Variants in CACNA1C observed in about 807,000 individuals in gnomAD.
CACNA1C encodes calcium voltage-gated channel subunit alpha1 C.
CACNA1C carries 30 observed loss-of-function variants against 229.0 expected under a neutral mutation model. That is an observed-to-expected ratio of 0.13 (90% CI 0.10 to 0.18). The LOEUF (loss-of-function observed/expected upper bound fraction) is 0.18, where lower values mean the gene tolerates loss of function less well. CACNA1C is among the 10% of genes least tolerant of loss of function. The pLI is 1.00. For missense variants in CACNA1C, 1,658 were observed against 2,845.0 expected (o/e 0.58, Z 9.49); for synonymous variants, 1,114 against 1,132.5 (o/e 0.98, Z 0.33).
chr12:2,128,691 G>A (rs2091161981), intron 3 of CACNA1C, among the ~76,000 whole-genome samples: 2 of 152,162 alleles, frequency 1.3e-5, no homozygotes, highest in Non-Finnish European at 2.9e-5. Context: ...GATTACAGGC[G>A]TGAGCCACTG....
chr12:1,989,464 C>G (rs1397845363), intron 1 of CACNA1C, among the ~76,000 whole-genome samples: 1 of 152,250 alleles, frequency 6.6e-6, no homozygotes, highest in Non-Finnish European at 1.5e-5. Context: ...CCTATAATCC[C>G]AGCCCTTTGG....
intron 13 of CACNA1C, among the ~76,000 whole-genome samples, chr12:2,578,014 G>A (rs559285584): frequency 5.9e-5 from 9 of 151,312 alleles, no homozygotes; most frequent in African/African-American, 1.5e-4. Context: ...GACTACAGGC[G>A]CCCGCTACCA....
At chr12:2,003,896 G>C (rs1367420349) in intron 1 of CACNA1C, among the ~76,000 whole-genome samples, 1 of 152,012 alleles carries the variant, frequency 6.6e-6, no homozygotes, top group Non-Finnish European at 1.5e-5. Context: ...TTCGTCTGCT[G>C]TCCCTGCCTC....
intron 13 of CACNA1C, among the ~76,000 whole-genome samples, chr12:2,580,486 G>T (rs560967126): frequency 6.6e-6 from 1 of 152,314 alleles, no homozygotes; most frequent in South Asian, 2.1e-4. Context: ...TGACCTAGGA[G>T]GCAGGTGGGC....
At chr12:2,153,845 T>C (rs1345042039) in intron 3 of CACNA1C, among the ~76,000 whole-genome samples, 1 of 152,222 alleles carries the variant, frequency 6.6e-6, no homozygotes, top group Non-Finnish European at 1.5e-5. Context: ...AATTGGAAGG[T>C]ACTTGGCAAA....
chr12:2,577,993 C>T (rs932682155), intron 13 of CACNA1C, among the ~76,000 whole-genome samples: 23 of 151,376 alleles, frequency 1.5e-4, no homozygotes, highest in South Asian at 2.1e-4. Flanking sequence ...CTCAGCCTCC[C>T]GAGTAGCTGG....
In CACNA1C at chr12:2,608,761, G is replaced by T. The variant is rs1390219543; in HGVS notation, c.3558+49G>T. The T allele has an allele frequency of 6.3e-7, 1 of 1,584,692 alleles. No individual in the cohort carries two copies. Among genetic ancestry groups the T allele is most frequent in the Non-Finnish European group, 8.6e-7 (1 of 1,158,572 alleles). On this transcript the variant is annotated intron_variant, in intron 27 of 46. Transcript: ENST00000399655. This position sits in a 1 kb window ranked among gnomAD's most constrained non-coding sequence, Gnocchi z 4.2. ...GGGAAGCGGGGCCCACGGAGGGAAT[G>T]GCAGCCTGCGGCCCACCCCGCAGAG... is the stretch of plus-strand genomic sequence containing the variant.
At chr12:2,125,112 C>CCA (rs1420522813) in intron 3 of CACNA1C, among the ~76,000 whole-genome samples, 1 of 152,060 alleles carries the variant, frequency 6.6e-6, no homozygotes, top group East Asian at 1.9e-4. Context: ...AGGTCATACA[C>CCA]CACGTGTCAG....
intron 3 of CACNA1C, among the ~76,000 whole-genome samples, chr12:2,440,051 C>T (rs956132833): frequency 1.1e-4 from 17 of 152,138 alleles, no homozygotes; most frequent in Admixed American, 3.3e-4. Context: ...CGCATCTGTC[C>T]GCTGGCCCAC....
In CACNA1C at chr12:2,693,155, C is replaced by T. The variant is rs1174917084; in HGVS notation, c.*1956C>T. The T allele has an allele frequency of 6.6e-6, 1 of 152,228 alleles. No homozygotes were observed. Among genetic ancestry groups the T allele is most frequent in the African/African-American group, 2.4e-5 (1 of 41,452 alleles). The allele number at this position is 152,228 out of a possible 1,614,324, so 9.4% of individuals were successfully genotyped here. ...CTGGGTATGTTTGTACCGCCTCTTG[C>T]TGTGAGAGACCAGGACCTATTTTAT... On this transcript the variant is annotated 3_prime_UTR_variant, in exon 47 of 47. Transcript: ENST00000399655.
chr12:2,010,048 A>G (rs1254113722), intron 1 of CACNA1C, among the ~76,000 whole-genome samples: 1 of 152,226 alleles, frequency 6.6e-6, no homozygotes, highest in Non-Finnish European at 1.5e-5. Flanking sequence ...CATCATTATT[A>G]TTAGTTTCAT....
intron 3 of CACNA1C, among the ~76,000 whole-genome samples, chr12:2,444,166 A>C (rs2099254940): frequency 6.6e-6 from 1 of 152,182 alleles, no homozygotes; most frequent in South Asian, 2.1e-4. Context: ...GTACCAGTGA[A>C]CTGCGTTTCT....
chr12:2,237,664 T>A (rs12315711), intron 3 of CACNA1C, among the ~76,000 whole-genome samples: 53,857 of 152,006 alleles, frequency 0.35, 10,263 homozygotes, highest in African/African-American at 0.48. Context: ...GCCTTTCTGC[T>A]CCCTATGATG....
intron 1 of CACNA1C, among the ~76,000 whole-genome samples, chr12:1,976,609 C>T (rs1279913000): frequency 6.6e-6 from 1 of 152,072 alleles, no homozygotes; most frequent in East Asian, 1.9e-4. Flanking sequence ...TTCTGTTATT[C>T]CTGCAAATAC....
At chr12:2,525,706 A>C (rs970420179) in intron 9 of CACNA1C, among the ~76,000 whole-genome samples, 1 of 152,232 alleles carries the variant, frequency 6.6e-6, no homozygotes. Context: ...AACAACCCCA[A>C]ACATAGGCTT....
chr12:2,238,416 C>T (rs1284438739), intron 3 of CACNA1C, among the ~76,000 whole-genome samples: 1 of 152,172 alleles, frequency 6.6e-6, no homozygotes, highest in Non-Finnish European at 1.5e-5. Context: ...GCTGCAGACT[C>T]GGAAGTTTCT....
rs748198629 is a variant in CACNA1C at position 2,685,819 on chromosome 12, G to C, written c.5657G>C (p.Gly1886Ala). Residue 1886 changes from glycine to alanine, a missense_variant, in exon 44 of 47, where the codon GGT becomes GCT. Physicochemically the swap from Gly to Ala is moderately conservative, Grantham distance 60 (BLOSUM62 0). Coordinates refer to ENST00000399655, the MANE Select transcript of CACNA1C (RefSeq NM_000719.7). ...GACATCCGGCAATCTCCGAAGAGGG[G>C]TTTCCTCCGCTCTGCCTCACTAGGT... ...KRDIRQSPKR[G>A]FLRSASLGRR... 51 of 1,613,186 alleles carry C rather than the reference G, an allele frequency of 3.2e-5. No homozygotes were observed. The highest frequency in any genetic ancestry group is 4.3e-5 in the Non-Finnish European group (51 of 1,179,250).
intron 3 of CACNA1C, among the ~76,000 whole-genome samples, chr12:2,269,380 G>A (rs950757515): frequency 6.6e-5 from 10 of 152,170 alleles, no homozygotes; most frequent in African/African-American, 2.4e-4. Flanking sequence ...CTCTACTGAT[G>A]GGAGTGACAG....
At chr12:2,436,221 G>A (rs923789289) in intron 3 of CACNA1C, among the ~76,000 whole-genome samples, 22 of 152,208 alleles carry the variant, frequency 1.4e-4, no homozygotes, top group African/African-American at 5.1e-4. Flanking sequence ...CATGTTCAAA[G>A]TGAGACTCTG....
Sources: allele counts gnomAD v4.1 joint callset (sites outside exome capture counted in the v4.1 genomes callset), GRCh38; gene constraint gnomAD v4.1.1; non-coding constraint Gnocchi (gnomAD v3.1); transcripts MANE v1.5; gene names NCBI Gene and HGNC (gene_info 2026-07-23, HGNC 2026-07-21).